SNAP91: variants seen among roughly 807,000 people sequenced by gnomAD.
SNAP91 encodes the protein clathrin coat assembly protein AP180.
A neutral mutation model predicts 100.3 loss-of-function variants in SNAP91; 27 were observed. That is an observed-to-expected ratio of 0.27 (90% CI 0.20 to 0.37). SNAP91 has a LOEUF of 0.37. SNAP91 is among the 10% of genes least tolerant of loss of function. SNAP91 has a pLI of 1.00. For missense variants in SNAP91, 986 were observed against 1,123.7 expected (o/e 0.88, Z 1.75); for synonymous variants, 404 against 398.6 (o/e 1.01, Z -0.16).
chr6:83,708,644 C>G (rs1030507651), intron 1 of SNAP91: 2 of 152,194 alleles, frequency 1.3e-5, no homozygotes, highest in African/African-American at 4.8e-5. Flanking sequence ...GCGGAGGCGC[C>G]GGAGTCTTGG....
In SNAP91 at chr6:83,661,511, A is replaced by G; in HGVS notation, c.443T>C (p.Val148Ala). Reference sequence around the variant, plus strand: ...AAAGACAAAAACATACCCTTTCTTCACCCTGGCAAAATCAAAGGCCATCTG... The same window carrying G: ...AAAGACAAAAACATACCCTTTCTTCGCCCTGGCAAAATCAAAGGCCATCTG... ...YRQMAFDFAR[V>A]KKGADGVMRT... Residue 148 changes from valine (V) to alanine (A), a missense_variant, in exon 5 of 30, where the codon GTG (valine) becomes GCG (alanine). Transcript: ENST00000369694. 1.2e-6 allele frequency: 2 copies of G among 1,600,508 alleles called. No individual in the cohort carries two copies. Among genetic ancestry groups the G allele is most frequent in the Non-Finnish European group, 8.5e-7 (1 of 1,171,344 alleles).
intron 16 of SNAP91, among the ~76,000 whole-genome samples, chr6:83,599,574 T>A (rs1215263357): frequency 6.6e-6 from 1 of 152,152 alleles, no homozygotes; most frequent in Non-Finnish European, 1.5e-5. Context: ...TTTCCAATTG[T>A]ATAGATGGGA....
At chr6:83,611,980 C>G (rs1294438287) in intron 11 of SNAP91, among the ~76,000 whole-genome samples, 1 of 149,796 alleles carries the variant, frequency 6.7e-6, no homozygotes, top group African/African-American at 2.5e-5. Context: ...CTCGGCCTCC[C>G]AAAGTGCTGG....
chr6:83,653,933 C>T (rs976166890), intron 7 of SNAP91, among the ~76,000 whole-genome samples: 9 of 152,130 alleles, frequency 5.9e-5, no homozygotes, highest in Admixed American at 5.9e-4. Context: ...AATCTCAGCA[C>T]ATCAGGTAAA....
At chr6:83,578,967 C>T (rs1823984339) in intron 24 of SNAP91, among the ~76,000 whole-genome samples, 1 of 151,972 alleles carries the variant, frequency 6.6e-6, no homozygotes, top group African/African-American at 2.4e-5. Context: ...TAGTCTTTCC[C>T]CAATTTTTTT....
rs2099402131 is a variant in SNAP91, at chr6:83,707,959, T to TGCA, written c.-30-5_-30-3dup. 5.2e-6 allele frequency: 8 copies of TGCA among 1,552,682 alleles called. No homozygotes were observed. The highest frequency in any genetic ancestry group is 1.7e-4 in the Middle Eastern group (1 of 5,896). On this transcript the variant is annotated splice_region_variant and splice_polypyrimidine_tract_variant and intron_variant, in intron 1 of 29. Coordinates refer to ENST00000369694, the MANE Select transcript of SNAP91 (RefSeq NM_001242792.2). Reference sequence around the variant, plus strand: ...TGGTCGCGTCTACCGCCTCCTCTTCTGCAGGAAACAAGGGGAGACGGTCCG... The same window carrying TGCA: ...TGGTCGCGTCTACCGCCTCCTCTTCTGCAGCAGGAAACAAGGGGAGACGGTCCG...
chr6:83,618,851 T>C (rs1241310459), intron 9 of SNAP91, among the ~76,000 whole-genome samples: 1 of 151,924 alleles, frequency 6.6e-6, no homozygotes, highest in African/African-American at 2.4e-5. Flanking sequence ...TAATGTAATG[T>C]AAAGAAAGGG....
At chr6:83,668,139 C>T (rs1207750428) in intron 2 of SNAP91, among the ~76,000 whole-genome samples, 1 of 152,276 alleles carries the variant, frequency 6.6e-6, no homozygotes, top group East Asian at 1.9e-4. Flanking sequence ...GATACCATCT[C>T]ACACCAGTTA....
At chr6:83,557,327 C>T (rs889551358) in intron 28 of SNAP91, among the ~76,000 whole-genome samples, 21 of 151,970 alleles carry the variant, frequency 1.4e-4, no homozygotes, top group South Asian at 4.2e-4. Flanking sequence ...TGTCCAGAAA[C>T]TACTGACTAA....
At chr6:83,611,473 A>C (rs1031285435) in intron 11 of SNAP91, 29 of 455,900 alleles carry the variant, frequency 6.4e-5, no homozygotes, top group African/African-American at 5.6e-4. Flanking sequence ...AATGAATAAC[A>C]AAACAAGATG....
At chr6:83,624,009 T>C (rs369794386) in intron 8 of SNAP91, among the ~76,000 whole-genome samples, 2 of 152,124 alleles carry the variant, frequency 1.3e-5, no homozygotes, top group African/African-American at 4.8e-5. Context: ...TAGTAACTTA[T>C]TAATGGACAC....
chr6:83,596,523 G>A (rs2094488456), intron 16 of SNAP91, among the ~76,000 whole-genome samples: 2 of 152,032 alleles, frequency 1.3e-5, no homozygotes, highest in Admixed American at 1.3e-4. Flanking sequence ...GAAACACATA[G>A]CAGTCATATA....
At chr6:83,658,976 A>T in intron 6 of SNAP91, 23 bp downstream of exon 6, 1 of 1,529,924 alleles carries the variant, frequency 6.5e-7, no homozygotes. Context: ...TGTGTATGAA[A>T]CATTTTCTAG....
intron 2 of SNAP91, among the ~76,000 whole-genome samples, chr6:83,699,887 G>A (rs1036927255): frequency 6.6e-6 from 1 of 152,110 alleles, no homozygotes; most frequent in African/African-American, 2.4e-5. Flanking sequence ...GAAAATAACT[G>A]TCATTCTAGA....
In SNAP91 at chr6:83,659,072, G is replaced by T. The variant is rs763321858; in HGVS notation, c.473C>A (p.Thr158Lys). ...CTTTAGCAGCTTTTCGGGAGCCATT[G>T]TCCTCATTACACCATCGGCCCTACA... ...VKKGADGVMR[T>K]MAPEKLLKSM... The change falls in exon 6 of 30, where the codon ACA becomes AAA. Residue 158 changes from threonine to lysine, a missense_variant. By Grantham distance (78) the Thr-to-Lys change is moderately conservative (BLOSUM62 -1). This residue lies in a region of SNAP91 where 330 missense variants were observed against 447.5 expected (regional missense o/e 0.74). Transcript: ENST00000369694. 5 of 1,599,388 alleles carry T rather than the reference G, an allele frequency of 3.1e-6. No homozygotes were observed. The highest frequency in any genetic ancestry group is 4.3e-6 in the Non-Finnish European group (5 of 1,173,480).
chr6:83,702,522 T>C (rs1229507421), intron 2 of SNAP91, among the ~76,000 whole-genome samples: 1 of 152,204 alleles, frequency 6.6e-6, no homozygotes, highest in Non-Finnish European at 1.5e-5. Flanking sequence ...TCAAGAAATT[T>C]AGATTTTAAT....
intron 19 of SNAP91, 58 bp from the exon 20 acceptor site, chr6:83,593,075 C>A: frequency 6.5e-7 from 1 of 1,537,632 alleles, no homozygotes; most frequent in Non-Finnish European, 8.8e-7. Flanking sequence ...AAGCTGAAAT[C>A]AAAGTCAAAA....
intron 27 of SNAP91, among the ~76,000 whole-genome samples, chr6:83,560,471 T>C (rs1785408004): frequency 1.3e-5 from 2 of 152,234 alleles, no homozygotes; most frequent in African/African-American, 4.8e-5. Context: ...ATTCATCTTC[T>C]GTAAGCATAA....
chr6:83,656,541 TCTA>T (rs1422786348), intron 7 of SNAP91, among the ~76,000 whole-genome samples: 2 of 152,172 alleles, frequency 1.3e-5, no homozygotes, highest in Non-Finnish European at 2.9e-5. Flanking sequence ...CAGCAATCTG[TCTA>T]CACTATGATT....
Sources: allele counts gnomAD v4.1 joint callset (sites outside exome capture counted in the v4.1 genomes callset), GRCh38; gene constraint gnomAD v4.1.1; regional missense constraint gnomAD v4.1.1; transcripts MANE v1.5; gene names NCBI Gene and HGNC (gene_info 2026-07-23, HGNC 2026-07-21).